PCCB: variants seen among roughly 807,000 people sequenced by gnomAD.
The protein encoded by PCCB is propionyl-CoA carboxylase subunit beta, also known as propionyl-CoA carboxylase beta chain, mitochondrial.
A neutral mutation model predicts 60.7 loss-of-function variants in PCCB; 43 were observed. The ratio of observed to expected loss-of-function variants is 0.71; its 90% CI spans 0.55 to 0.91. PCCB has a LOEUF of 0.91. Among genes scored for constraint, PCCB ranks in the 40% least tolerant of loss-of-function variants. The pLI is 0.00. For synonymous variants in PCCB, 276 were observed against 255.9 expected, an observed-to-expected ratio of 1.08 and a Z score of -0.75; for missense variants, 766 against 702.8, an observed-to-expected ratio of 1.09 and a Z score of -1.02.
intron 6 of PCCB, among the ~76,000 whole-genome samples, chr3:136,290,820 T>C (rs959016670): frequency 2.0e-5 from 3 of 151,924 alleles, no homozygotes; most frequent in African/African-American, 7.3e-5. Context: ...CTTCTGGAAT[T>C]CTCATTATGT....
Position 136,301,112 on chromosome 3 carries a change from G to T in PCCB, c.966+1G>T, listed in dbSNP as rs1385850128. The T allele has an allele frequency of 1.2e-6, 2 of 1,609,922 alleles. No individual in the cohort carries two copies. Among genetic ancestry groups the T allele is most frequent in the East Asian group, 2.2e-5 (1 of 44,868 alleles). Reference sequence around the variant, plus strand: ...CAACATGGTGGACATCATACACTCTGTAAGTGCCACATCTGTTTGTCTTGC... The same window carrying T: ...CAACATGGTGGACATCATACACTCTTTAAGTGCCACATCTGTTTGTCTTGC... On this transcript the variant is annotated splice_donor_variant, in intron 9 of 14. Transcript: ENST00000251654. LOFTEE classifies it high-confidence loss of function.
rs537957697 is a variant in PCCB, at chr3:136,306,937, A to G, written c.966+5826A>G. 1.2e-3 allele frequency among the ~76,000 whole-genome samples: 142 copies of G among 122,950 alleles called. 15 individuals are homozygous for G. The highest frequency in any genetic ancestry group is 3.3e-3 in the African/African-American group (134 of 40,290). 80.7% of individuals were successfully genotyped at this position (122,950 alleles called of 152,430 possible). On this transcript the variant is annotated intron_variant, in intron 9 of 14. Transcript: ENST00000251654. ...ACCCAGAATTGTCAAACTAGAGAAAATATTAACTGTTCGATTTTTAAAATA... is the reference window on the plus strand; with the variant it reads ...ACCCAGAATTGTCAAACTAGAGAAAGTATTAACTGTTCGATTTTTAAAATA...
At chr3:136,321,173 C>T (rs1315647102) in intron 10 of PCCB, among the ~76,000 whole-genome samples, 1 of 152,174 alleles carries the variant, frequency 6.6e-6, no homozygotes, top group African/African-American at 2.4e-5. Flanking sequence ...CCCACTGGAT[C>T]ACAGTGTATA....
intron 3 of PCCB, among the ~76,000 whole-genome samples, chr3:136,257,480 GTGT>G (rs916216641): frequency 6.6e-6 from 1 of 152,200 alleles, no homozygotes; most frequent in African/African-American, 2.4e-5. Context: ...TAATACATTT[GTGT>G]TGTTTCAAGG....
chr3:136,328,341 A>T (rs1935409708), intron 13 of PCCB, among the ~76,000 whole-genome samples: 1 of 152,182 alleles, frequency 6.6e-6, no homozygotes, highest in Admixed American at 6.5e-5. Flanking sequence ...CTGGCCACCG[A>T]ATTGTATACT....
intron 6 of PCCB, among the ~76,000 whole-genome samples, chr3:136,290,688 T>G (rs992023231): frequency 1.4e-5 from 2 of 146,182 alleles, no homozygotes; most frequent in African/African-American, 2.5e-5. Flanking sequence ...TTTTTTTTTT[T>G]GTCATTCATC....
intron 11 of PCCB, 100 bp downstream of exon 11, chr3:136,327,010 A>T: frequency 1.8e-6 from 2 of 1,122,748 alleles, no homozygotes; most frequent in Non-Finnish European, 2.7e-6. Context: ...AGGACTTGTG[A>T]CTTCTCCATG....
chr3:136,290,219 G>A (rs569886825), intron 6 of PCCB, among the ~76,000 whole-genome samples: 1 of 152,222 alleles, frequency 6.6e-6, no homozygotes, highest in East Asian at 1.9e-4. Flanking sequence ...CTACTGGCAG[G>A]AGATTACCTC....
At chr3:136,309,395 A>G (rs1156959732) in intron 9 of PCCB, among the ~76,000 whole-genome samples, 1 of 152,270 alleles carries the variant, frequency 6.6e-6, no homozygotes, top group Non-Finnish European at 1.5e-5. Context: ...TTATGATGGA[A>G]ATAGAAGAAT....
At chr3:136,305,728 G>A (rs1191968475) in intron 9 of PCCB, among the ~76,000 whole-genome samples, 1 of 106,106 alleles carries the variant, frequency 9.4e-6, no homozygotes, top group Non-Finnish European at 2.0e-5. Context: ...CAGCCTGGGC[G>A]ATGAGTGAAA....
intron 6 of PCCB, among the ~76,000 whole-genome samples, chr3:136,284,770 CAAT>C (rs1933298951): frequency 2.0e-5 from 3 of 152,102 alleles, no homozygotes; most frequent in South Asian, 2.1e-4. Flanking sequence ...AAGTGTTCAA[CAAT>C]AAGAGTGTCT....
intron 5 of PCCB, among the ~76,000 whole-genome samples, chr3:136,270,136 G>A (rs938796448): frequency 1.3e-5 from 2 of 151,322 alleles, no homozygotes; most frequent in African/African-American, 2.4e-5. Context: ...TGTGTTTTTT[G>A]TTCTTTATTC....
Position 136,267,944 on chromosome 3 carries a change from CTTTTT to C in PCCB, c.543+5894_543+5898del, listed in dbSNP as rs1190834904. ...TGGAGTTTTTTTTGTAGGTTTGGCT[CTTTTT>C]TTTTTTTTTTTTTTGAGATGGAGTT... is the stretch of plus-strand genomic sequence containing the variant. On this transcript the variant is annotated intron_variant, in intron 5 of 14. Coordinates refer to ENST00000251654, the MANE Select transcript of PCCB (RefSeq NM_000532.5). Among the ~76,000 whole-genome samples, 17 of 103,448 alleles carry C rather than the reference CTTTTT, an allele frequency of 1.6e-4. 1 individual carries two copies. The East Asian group carries it at 3.9e-3, about 24-fold the overall frequency. 67.9% of individuals were successfully genotyped at this position (103,448 alleles called of 152,430 possible).
chr3:136,302,571 A>T, intron 9 of PCCB, among the ~76,000 whole-genome samples: 1 of 115,370 alleles, frequency 8.7e-6, no homozygotes, highest in East Asian at 6.3e-4. Flanking sequence ...ATTTTATTTT[A>T]TTATTATTAT....
chr3:136,297,842 C>G (rs1934004713), intron 7 of PCCB, 110 bp from the exon 8 acceptor site: 2 of 1,191,738 alleles, frequency 1.7e-6, no homozygotes, highest in South Asian at 2.4e-5. Context: ...ACAGAGCTAT[C>G]AGCACGGTCT....
chr3:136,269,089 T>C (rs1051037677), intron 5 of PCCB, among the ~76,000 whole-genome samples: 3 of 152,090 alleles, frequency 2.0e-5, no homozygotes, highest in Non-Finnish European at 4.4e-5. Flanking sequence ...GAGACTAGCC[T>C]GGCTAACATA....
At chr3:136,257,076 T>C (rs1941690315) in intron 3 of PCCB, among the ~76,000 whole-genome samples, 1 of 152,210 alleles carries the variant, frequency 6.6e-6, no homozygotes, top group African/African-American at 2.4e-5. Context: ...TCAAGACAGA[T>C]ACAGTTTGTT....
At chr3:136,259,322 G>A in intron 3 of PCCB, 1 of 419,578 alleles carries the variant, frequency 2.4e-6, no homozygotes, top group South Asian at 1.0e-4. Context: ...AAAATTAGCT[G>A]GGCCTGGTGG....
At chr3:136,327,582 A>G in intron 12 of PCCB, 52 bp from the exon 13 acceptor site, 1 of 1,376,742 alleles carries the variant, frequency 7.3e-7, no homozygotes, top group Middle Eastern at 1.8e-4. Flanking sequence ...TCTTTCAGGG[A>G]CATGATCTGG....
Sources: allele counts gnomAD v4.1 joint callset (sites outside exome capture counted in the v4.1 genomes callset), GRCh38; gene constraint gnomAD v4.1.1; transcripts MANE v1.5; gene names NCBI Gene and HGNC (gene_info 2026-07-23, HGNC 2026-07-21).